The following SVIL variants were observed in gnomAD, a reference collection of about 807,000 sequenced individuals.
The protein encoded by SVIL is supervillin.
A neutral mutation model predicts 240.4 loss-of-function variants in SVIL; 101 were observed. That is an observed-to-expected ratio of 0.42 (90% CI 0.36 to 0.50). The LOEUF is 0.50. Ranked by LOEUF, SVIL falls within the 20% of genes least tolerant of loss-of-function variation. SVIL has a pLI of 0.01. For missense variants in SVIL, 2,512 were observed against 2,818.7 expected (o/e 0.89, Z 2.46); for synonymous variants, 999 against 1,100.0 (o/e 0.91, Z 1.82).
At chr10:29,516,812 T>C (rs1950233428) in intron 16 of SVIL, among the ~76,000 whole-genome samples, 1 of 152,158 alleles carries the variant, frequency 6.6e-6, no homozygotes, top group Non-Finnish European at 1.5e-5. Context: ...GCCCACACTG[T>C]TCCAGCAGGG....
intron 6 of SVIL, among the ~76,000 whole-genome samples, chr10:29,537,072 A>C (rs1487361607): frequency 6.6e-6 from 1 of 152,156 alleles, no homozygotes; most frequent in Non-Finnish European, 1.5e-5. Context: ...TAAAAATAGC[A>C]TCTATGTAAA....
upstream of SVIL, among the ~76,000 whole-genome samples, chr10:29,635,335 G>C (rs1230970396): frequency 1.3e-5 from 2 of 152,148 alleles, no homozygotes; most frequent in Non-Finnish European, 2.9e-5. Context: ...TGCCCGAAAA[G>C]TAACTAACAG....
At chr10:29,555,006 G>T in intron 4 of SVIL, 45 bp downstream of exon 4, 1 of 1,611,916 alleles carries the variant, frequency 6.2e-7, no homozygotes, top group Non-Finnish European at 8.5e-7. Flanking sequence ...ATACTGCTTT[G>T]CCAAGCTCTC....
intron 13 of SVIL, among the ~76,000 whole-genome samples, chr10:29,525,490 TG>T (rs1950835934): frequency 1.3e-5 from 2 of 152,338 alleles, no homozygotes; most frequent in African/African-American, 4.8e-5. Flanking sequence ...GGTGTGCACC[TG>T]TGATCCCAGC....
intron 1 of SVIL, among the ~76,000 whole-genome samples, chr10:29,700,062 G>C (rs897011767): frequency 1.3e-5 from 2 of 152,186 alleles, no homozygotes; most frequent in Non-Finnish European, 1.5e-5. Flanking sequence ...ACACACTAGA[G>C]AGTAAAAACA....
intron 1 of SVIL, among the ~76,000 whole-genome samples, chr10:29,570,212 G>C (rs1013986014): frequency 2.6e-5 from 4 of 152,140 alleles, no homozygotes; most frequent in African/African-American, 9.7e-5. Flanking sequence ...TAAAATGAAA[G>C]GTATAATGCC....
Position 29,628,206 on chromosome 10 carries a change from C to T in SVIL, c.-201+6214G>A, listed in dbSNP as rs139134473. On this transcript the variant is annotated intron_variant, in intron 1 of 37. Coordinates refer to ENST00000355867, the MANE Select transcript of SVIL (RefSeq NM_021738.3). The stretch of plus-strand genomic sequence containing the variant: ...CAGATGTCATTTTCACTTTCATAAC[C>T]TACCTCTTAATTCAACATATTTTAA... Among the ~76,000 whole-genome samples, 1,021 of 152,302 alleles carry T rather than the reference C, an allele frequency of 6.7e-3. 11 individuals are homozygous for T. The highest frequency in any genetic ancestry group is 0.023 in the African/African-American group (966 of 41,552).
chr10:29,696,604 G>GC (rs1962034032), intron 1 of SVIL, among the ~76,000 whole-genome samples: 1 of 148,036 alleles, frequency 6.8e-6, no homozygotes, highest in African/African-American at 2.5e-5. Flanking sequence ...CTGCCCCGCC[G>GC]CCCCGTCTGG....
intron 2 of SVIL, among the ~76,000 whole-genome samples, chr10:29,683,621 A>G (rs11007696): frequency 0.34 from 51,765 of 152,082 alleles, 8,983 homozygotes; most frequent in East Asian, 0.43. Flanking sequence ...GCTTATTATA[A>G]TCAACTTACA....
Position 29,496,475 on chromosome 10 carries a change from A to G in SVIL, c.3665-1294T>C, listed in dbSNP as rs868794127. On this transcript the variant is annotated intron_variant, in intron 18 of 37. Coordinates refer to ENST00000355867, the MANE Select transcript of SVIL (RefSeq NM_021738.3). ...GTTAACTCCGCAGCTAATGAACAGG[A>G]CTGACTCTGAAGGCTGGTTTCCAAA... is the stretch of plus-strand genomic sequence containing the variant. The G allele has an allele frequency of 2.5e-5, 11 of 444,812 alleles. 1 individual carries two copies. In the Middle Eastern group the frequency reaches 4.6e-3, roughly 184 times the overall value. 27.6% of individuals were successfully genotyped at this position (444,812 alleles called of 1,614,324 possible). A position where few individuals can be genotyped will look rare whatever the true frequency, so the allele number is the denominator to read the frequency against.
intron 3 of SVIL, among the ~76,000 whole-genome samples, chr10:29,558,202 G>T (rs1440369002): frequency 1.3e-5 from 2 of 152,102 alleles, no homozygotes; most frequent in South Asian, 4.2e-4. Flanking sequence ...TAGATTCAAC[G>T]CAAAGCTATG....
chr10:29,542,723 T>C (rs1461870744), intron 6 of SVIL, among the ~76,000 whole-genome samples: 1 of 152,244 alleles, frequency 6.6e-6, no homozygotes, highest in East Asian at 1.9e-4. Flanking sequence ...TATTAGACTA[T>C]AGTCGCCCTG....
At chr10:29,528,811 T>C (rs1951127001) in intron 12 of SVIL, among the ~76,000 whole-genome samples, 1 of 152,200 alleles carries the variant, frequency 6.6e-6, no homozygotes, top group African/African-American at 2.4e-5. Flanking sequence ...CTGAATGAAC[T>C]ACTCTGGGAA....
chr10:29,577,438 G>T (rs187879401), intron 1 of SVIL, among the ~76,000 whole-genome samples: 3,651 of 152,156 alleles, frequency 0.024, 85 homozygotes, highest in Admixed American at 0.06. Context: ...ATGATATTTG[G>T]TTTTCCATTC....
At position 29,524,650 on chromosome 10, in the gene SVIL, G is replaced by A. The variant is rs201701154; in HGVS notation, c.2408C>T (p.Ala803Val). 1.9e-4 allele frequency: 303 copies of A among 1,614,166 alleles called. No homozygotes were observed. Among genetic ancestry groups the A allele is most frequent in the East Asian group, 8.2e-4 (37 of 44,878 alleles). The change falls in exon 14 of 38, where the codon GCT becomes GTT. Residue 803 changes from alanine (A) to valine (V), a missense_variant. Ala to Val is a moderately conservative substitution (Grantham distance 64, BLOSUM62 0). Around this residue, in one of 3 missense-constraint regions of SVIL, gnomAD observed 1,443 missense variants for 1,486.6 expected, o/e 0.97. Transcript: ENST00000355867. The part of the protein sequence containing the change: ...KDQTNEGKEL[A>V]EQGEPDSSTL... ...GGAGGAATCAGGTTCTCCTTGCTCA[G>A]CAAGCTCTTTGCCCTCATTTGTCTG...
At chr10:29,672,601 G>A (rs1959866606) in intron 2 of SVIL, among the ~76,000 whole-genome samples, 1 of 152,296 alleles carries the variant, frequency 6.6e-6, no homozygotes, top group African/African-American at 2.4e-5. Context: ...GCCCAGCATG[G>A]TGCCTGGTAT....
chr10:29,655,132 G>A (rs1472068838), intron 3 of SVIL, among the ~76,000 whole-genome samples: 1 of 152,174 alleles, frequency 6.6e-6, no homozygotes, highest in African/African-American at 2.4e-5. Context: ...AGAACCAACA[G>A]GATACATATA....
chr10:29,555,055 T>A lies in SVIL; in HGVS notation c.4A>T (p.Lys2Ter), dbSNP rs1194615153. The A allele has an allele frequency of 1.9e-6, 3 of 1,613,028 alleles. No homozygotes were observed. The part of the protein sequence containing the change: M[K>*]RKERIARRLE... ...CTCCCACTATAAAGATCTTACCTTT[T>A]CATTTCTAAGAATTCTTTCTTCTTT... The change falls in exon 4 of 38, where the codon AAA (lysine) becomes TAA (stop). Residue 2 changes from lysine to a stop codon, truncating the protein, a stop_gained. Coordinates refer to ENST00000355867, the MANE Select transcript of SVIL (RefSeq NM_021738.3). LOFTEE classifies it high-confidence loss of function.
intron 2 of SVIL, among the ~76,000 whole-genome samples, chr10:29,661,579 C>A (rs1279309728): frequency 6.6e-6 from 1 of 152,108 alleles, no homozygotes; most frequent in Non-Finnish European, 1.5e-5. Context: ...TCTTTCCGGA[C>A]AAAACAAACT....
Sources: gnomAD v4.1 joint callset for allele counts (sites outside exome capture counted in the v4.1 genomes callset) on GRCh38, gnomAD v4.1.1 for gene constraint, gnomAD v4.1.1 regional missense constraint, MANE v1.5 for transcripts, NCBI Gene and HGNC (gene_info 2026-07-23, HGNC 2026-07-21) for gene names.